LRP6: variants seen among roughly 807,000 people sequenced by gnomAD.
LRP6 encodes LDL receptor related protein 6, also known as low-density lipoprotein receptor-related protein 6.
A neutral mutation model predicts 184.1 loss-of-function variants in LRP6; 43 were observed. That is an observed-to-expected ratio of 0.23 (90% CI 0.18 to 0.30). The LOEUF is 0.30. LRP6 is among the 10% of genes least tolerant of loss of function. The pLI, the probability that LRP6 is intolerant of heterozygous loss-of-function variation, is 1.00. For missense variants in LRP6, 1,571 were observed against 2,005.3 expected (o/e 0.78, Z 4.14); for synonymous variants, 719 against 684.9 (o/e 1.05, Z -0.78).
intron 1 of LRP6, among the ~76,000 whole-genome samples, chr12:12,253,425 C>CT (rs897669372): frequency 7.3e-5 from 11 of 151,162 alleles, no homozygotes; most frequent in Middle Eastern, 3.4e-3. Flanking sequence ...CACTTTTTTT[C>CT]TTTTTTTTTA....
intron 3 of LRP6, among the ~76,000 whole-genome samples, chr12:12,199,364 CT>C (rs1307658478): frequency 5.3e-5 from 8 of 151,906 alleles, no homozygotes; most frequent in African/African-American, 1.4e-4. Context: ...CTGGCAGGAA[CT>C]TTGAAGTGAA....
intron 13 of LRP6, among the ~76,000 whole-genome samples, chr12:12,150,616 C>T (rs563181331): frequency 1.3e-5 from 2 of 152,254 alleles, no homozygotes; most frequent in Admixed American, 6.5e-5. Context: ...AACACAACAG[C>T]TTAAGTACGC....
chr12:12,167,529 G>C (rs1862916232), intron 7 of LRP6, among the ~76,000 whole-genome samples: 3 of 151,986 alleles, frequency 2.0e-5, no homozygotes, highest in Admixed American at 2.0e-4. Flanking sequence ...TGTAGTCCCA[G>C]CTACTCGGGA....
At chr12:12,244,226 G>C in intron 2 of LRP6, 36 bp downstream of exon 2, 1 of 1,611,008 alleles carries the variant, frequency 6.2e-7, no homozygotes, top group South Asian at 1.1e-5. Context: ...ACCGAAAGGA[G>C]GTATGATGAT....
chr12:12,131,029 T>G (rs1949744695), intron 18 of LRP6, 136 bp from the exon 19 acceptor site: 10 of 622,750 alleles, frequency 1.6e-5, no homozygotes, highest in East Asian at 1.5e-4. Context: ...TATTATTCTC[T>G]GGAGTTCCAT....
rs186322621 is a variant in LRP6, at chr12:12,196,542, G to A, written c.647+6661C>T. Among the ~76,000 whole-genome samples, 961 of 150,482 alleles carry A rather than the reference G, an allele frequency of 6.4e-3. 45 individuals are homozygous for A. Among genetic ancestry groups the A allele is most frequent in the Admixed American group, 0.056 (850 of 15,142 alleles). On this transcript the variant is annotated intron_variant, in intron 3 of 22. Coordinates refer to ENST00000261349, the MANE Select transcript of LRP6 (RefSeq NM_002336.3). ...GAAATGCTACTGATCTTTTTGTGTT[G>A]ATTTTGTATCCTGCAACTTTACCAA...
chr12:12,253,048 G>C (rs1282652765), intron 1 of LRP6, among the ~76,000 whole-genome samples: 3 of 152,296 alleles, frequency 2.0e-5, no homozygotes, highest in African/African-American at 2.4e-5. Context: ...TTGATCACCT[G>C]AGGTGAGGAG....
intron 2 of LRP6, among the ~76,000 whole-genome samples, chr12:12,210,530 A>G (rs1864181661): frequency 6.6e-6 from 1 of 152,226 alleles, no homozygotes. Context: ...AAAGCATATT[A>G]ACAGTCAAAG....
At chr12:12,263,276 A>G (rs78293376) in intron 1 of LRP6, among the ~76,000 whole-genome samples, 4 of 146,224 alleles carry the variant, frequency 2.7e-5, no homozygotes, top group African/African-American at 7.6e-5. Context: ...TAAAAAAAAA[A>G]AAAGAATGTG....
chr12:12,143,754 A>C (rs1348883466), intron 15 of LRP6, among the ~76,000 whole-genome samples: 2 of 152,214 alleles, frequency 1.3e-5, no homozygotes, highest in Non-Finnish European at 2.9e-5. Flanking sequence ...CCCAATAAGA[A>C]AAGTTAAATG....
At chr12:12,227,909 T>TA (rs1275521384) in intron 2 of LRP6, among the ~76,000 whole-genome samples, 4 of 152,178 alleles carry the variant, frequency 2.6e-5, no homozygotes, top group Non-Finnish European at 5.9e-5. Context: ...GTCTTTTATT[T>TA]AAAAAACAAA....
chr12:12,138,718 T>G (rs934921765), intron 15 of LRP6, 184 bp from the exon 16 acceptor site: 1 of 1,383,204 alleles, frequency 7.2e-7, no homozygotes, highest in Non-Finnish European at 9.8e-7. Flanking sequence ...AAACTAGATA[T>G]TAATATGCAA....
At chr12:12,190,648 T>A (rs949239030) in intron 3 of LRP6, among the ~76,000 whole-genome samples, 3 of 152,276 alleles carry the variant, frequency 2.0e-5, no homozygotes, top group Middle Eastern at 3.4e-3. Flanking sequence ...TCATTTAGTT[T>A]TTGTTTCTGG....
chr12:12,220,184 A>T (rs890206611), intron 2 of LRP6, among the ~76,000 whole-genome samples: 4 of 152,058 alleles, frequency 2.6e-5, no homozygotes, highest in African/African-American at 7.2e-5. Context: ...GCTACTAGGG[A>T]GACTGAGGCA....
chr12:12,184,409 C>CAAACAAAA (rs1555113239), intron 4 of LRP6, among the ~76,000 whole-genome samples: 4 of 151,614 alleles, frequency 2.6e-5, no homozygotes, highest in East Asian at 1.9e-4. Context: ...AACAAACAAA[C>CAAACAAAA]AAAACCAATA....
intron 1 of LRP6, among the ~76,000 whole-genome samples, chr12:12,266,436 G>C (rs1467980089): frequency 6.6e-6 from 1 of 152,170 alleles, no homozygotes; most frequent in Non-Finnish European, 1.5e-5. Context: ...AAGACCAGCA[G>C]CCGGGATCGA....
At position 12,120,984 on chromosome 12, in the gene LRP6, T is replaced by A; in HGVS notation, c.*142A>T. ...TTTTCTTCTGTACAAATATCTCCAG[T>A]ATTCCCTACCCCATTTTATAATTTT... On this transcript the variant is annotated 3_prime_UTR_variant, in exon 23 of 23. Coordinates refer to ENST00000261349, the MANE Select transcript of LRP6 (RefSeq NM_002336.3). The A allele has an allele frequency of 1.6e-6, 1 of 627,680 alleles. No individual in the cohort carries two copies. The highest frequency in any genetic ancestry group is 2.7e-6 in the Non-Finnish European group (1 of 375,582). 38.9% of individuals were successfully genotyped at this position (627,680 alleles called of 1,614,324 possible). A position where few individuals can be genotyped will look rare whatever the true frequency, so the allele number is the denominator to read the frequency against.
intron 2 of LRP6, among the ~76,000 whole-genome samples, chr12:12,208,066 T>C (rs1460897589): frequency 6.6e-6 from 1 of 152,226 alleles, no homozygotes; most frequent in Non-Finnish European, 1.5e-5. Flanking sequence ...GTCAATATAA[T>C]ATATTCATAC....
intron 2 of LRP6, among the ~76,000 whole-genome samples, chr12:12,214,213 T>C (rs1033126024): frequency 1.3e-5 from 2 of 152,196 alleles, no homozygotes; most frequent in African/African-American, 2.4e-5. Context: ...GATGCAGGTA[T>C]ATTACAAGAG....
Sources: allele counts gnomAD v4.1 joint callset (sites outside exome capture counted in the v4.1 genomes callset), GRCh38; gene constraint gnomAD v4.1.1; transcripts MANE v1.5; gene names NCBI Gene and HGNC (gene_info 2026-07-23, HGNC 2026-07-21).